Variants in IL1RAPL2 observed in about 807,000 individuals in gnomAD.
The protein encoded by IL1RAPL2 is X-linked interleukin-1 receptor accessory protein-like 2.
IL1RAPL2 carries 3 observed loss-of-function variants against 44.1 expected under a neutral mutation model. That is an observed-to-expected ratio of 0.07 (90% CI 0.03 to 0.18). The LOEUF is 0.18. Among genes scored for constraint, IL1RAPL2 ranks in the 10% least tolerant of loss-of-function variants. IL1RAPL2 has a pLI of 1.00. For synonymous variants in IL1RAPL2, 181 were observed against 178.8 expected, an observed-to-expected ratio of 1.01 and a Z score of -0.10; for missense variants, 391 against 496.4, an observed-to-expected ratio of 0.79 and a Z score of 2.02.
intron 5 of IL1RAPL2, among the ~76,000 whole-genome samples, chrX:105,437,048 T>TATAC (rs1218595236): frequency 5.8e-4 from 61 of 104,865 alleles, no homozygotes; most frequent in Non-Finnish European, 9.7e-4. Flanking sequence ...TATATATATA[T>TATAC]ACCATATTTA....
At chrX:104,660,605 A>G (rs995612876) in intron 2 of IL1RAPL2, among the ~76,000 whole-genome samples, 1 of 83,142 alleles carries the variant, frequency 1.2e-5, no homozygotes, top group African/African-American at 5.3e-5. Context: ...ACACAAATAT[A>G]TATGTGTATG....
intron 3 of IL1RAPL2, among the ~76,000 whole-genome samples, chrX:105,223,459 C>G (rs2033986458): frequency 8.9e-6 from 1 of 112,138 alleles, no homozygotes; most frequent in African/African-American, 3.2e-5. Context: ...TTCAGAACAT[C>G]TTTTACCTTA....
At chrX:104,599,650 GCACACACACACACACACACACACACACA>G (rs35769134) in intron 1 of IL1RAPL2, among the ~76,000 whole-genome samples, 3 of 86,171 alleles carry the variant, frequency 3.5e-5, no homozygotes, top group East Asian at 3.8e-4. Context: ...GATGGATTTA[GCACACACACACACACACACACACACACA>G]CACACACACA....
At chrX:104,674,045 C>G (rs1374085696) in intron 2 of IL1RAPL2, among the ~76,000 whole-genome samples, 2 of 111,598 alleles carry the variant, frequency 1.8e-5, no homozygotes, top group African/African-American at 6.5e-5. Flanking sequence ...CATCTGCAAA[C>G]AGGGACAATT....
chrX:104,868,671 T>C (rs767095070), intron 2 of IL1RAPL2, among the ~76,000 whole-genome samples: 4 of 112,492 alleles, frequency 3.6e-5, no homozygotes, highest in Non-Finnish European at 7.5e-5. Context: ...AGATCTCCTG[T>C]GAAGCTGTAC....
chrX:104,647,342 T>A, intron 1 of IL1RAPL2: 1 of 486,529 alleles, frequency 2.1e-6, no homozygotes, highest in Non-Finnish European at 3.8e-6. Flanking sequence ...CAGCTTGGCT[T>A]CCATGGAGTC....
At chrX:105,480,574 C>A (rs2036227365) in intron 5 of IL1RAPL2, among the ~76,000 whole-genome samples, 1 of 112,076 alleles carries the variant, frequency 8.9e-6, no homozygotes, top group African/African-American at 3.2e-5. Flanking sequence ...GAAGCTTAAG[C>A]AGCAAATTCA....
At chrX:105,677,039 GGTT>G (rs911718809) in intron 6 of IL1RAPL2, among the ~76,000 whole-genome samples, 15 of 111,543 alleles carry the variant, frequency 1.3e-4, no homozygotes, top group Non-Finnish European at 2.5e-4. Context: ...TGTCTCTTGT[GGTT>G]GTTATTATTC....
intron 2 of IL1RAPL2, among the ~76,000 whole-genome samples, chrX:105,186,362 A>G (rs781816617): frequency 2.7e-5 from 3 of 112,247 alleles, no homozygotes; most frequent in East Asian, 5.6e-4. Flanking sequence ...TTTGACACCT[A>G]CTTAAGCTCA....
intron 3 of IL1RAPL2, among the ~76,000 whole-genome samples, chrX:105,216,903 C>T (rs1342629899): frequency 1.8e-5 from 2 of 111,819 alleles, no homozygotes; most frequent in Non-Finnish European, 3.8e-5. Context: ...TAGCCATATG[C>T]AGAAAACTGA....
chrX:105,585,002 G>A (rs962649300), intron 6 of IL1RAPL2, among the ~76,000 whole-genome samples: 9 of 109,841 alleles, frequency 8.2e-5, no homozygotes, highest in African/African-American at 2.3e-4. Flanking sequence ...CCTTTGGAGT[G>A]TTTAATCTAC....
chrX:105,483,861 G>T (rs1327598817), intron 5 of IL1RAPL2, among the ~76,000 whole-genome samples: 1 of 111,252 alleles, frequency 9.0e-6, no homozygotes, highest in Non-Finnish European at 1.9e-5. Context: ...TTATTATATT[G>T]TTTTGGAGGT....
intron 6 of IL1RAPL2, among the ~76,000 whole-genome samples, chrX:105,543,126 A>G: frequency 9.0e-6 from 1 of 111,421 alleles, no homozygotes; most frequent in Non-Finnish European, 1.9e-5. Context: ...CTTTTATAGA[A>G]CCATGGCACA....
intron 2 of IL1RAPL2, among the ~76,000 whole-genome samples, chrX:104,931,777 A>G (rs972884856): frequency 9.0e-5 from 10 of 110,984 alleles, no homozygotes; most frequent in African/African-American, 3.3e-4. Flanking sequence ...TTAAAATAAT[A>G]TAGACATGCT....
intron 2 of IL1RAPL2, among the ~76,000 whole-genome samples, chrX:105,112,038 A>G (rs1225780990): frequency 8.9e-6 from 1 of 111,955 alleles, no homozygotes; most frequent in East Asian, 2.8e-4. Context: ...TCCTGGGCCA[A>G]TGAACCAACT....
intron 6 of IL1RAPL2, among the ~76,000 whole-genome samples, chrX:105,707,985 A>G (rs912306664): frequency 3.6e-5 from 4 of 111,021 alleles, no homozygotes; most frequent in Non-Finnish European, 7.6e-5. Flanking sequence ...TACAAAATAG[A>G]GTATAATGAA....
chrX:105,640,654 G>GTATATATATA (rs768814568), intron 6 of IL1RAPL2, among the ~76,000 whole-genome samples: 17 of 59,475 alleles, frequency 2.9e-4, no homozygotes, highest in Non-Finnish European at 4.3e-4. Flanking sequence ...GTATGTGTGT[G>GTATATATATA]TATATATATA....
intron 6 of IL1RAPL2, among the ~76,000 whole-genome samples, chrX:105,556,064 T>C (rs2036894429): frequency 1.8e-5 from 2 of 111,665 alleles, no homozygotes; most frequent in African/African-American, 3.2e-5. Context: ...TTTATCCTTC[T>C]TTAATCCAGA....
intron 2 of IL1RAPL2, among the ~76,000 whole-genome samples, chrX:104,807,554 G>T (rs1050297244): frequency 4.5e-5 from 5 of 111,480 alleles, no homozygotes; most frequent in Non-Finnish European, 7.5e-5. Flanking sequence ...ATTTTAATTA[G>T]TACAGCAATG....
Sources: gnomAD v4.1 joint callset for allele counts (sites outside exome capture counted in the v4.1 genomes callset) on GRCh38, gnomAD v4.1.1 for gene constraint, MANE v1.5 for transcripts, NCBI Gene and HGNC (gene_info 2026-07-23, HGNC 2026-07-21) for gene names.